Variants in SATB1 observed in about 807,000 individuals in gnomAD.
SATB1 encodes DNA-binding protein SATB1.
A neutral mutation model predicts 86.9 loss-of-function variants in SATB1; 11 were observed. The ratio of observed to expected loss-of-function variants is 0.13; its 90% CI spans 0.08 to 0.21. SATB1 has a LOEUF of 0.21. SATB1 is among the 10% of genes least tolerant of loss of function. The pLI, the probability that SATB1 is intolerant of heterozygous loss-of-function variation, is 1.00. For missense variants in SATB1, 551 were observed against 937.6 expected (o/e 0.59, Z 5.39); for synonymous variants, 357 against 357.2 (o/e 1.00, Z 0.01).
intron 2 of SATB1, chr3:18,434,818 C>T (rs959979082): frequency 2.0e-5 from 3 of 151,698 alleles, no homozygotes; most frequent in South Asian, 4.2e-4. Context: ...TCACATGCTA[C>T]GTTAGATGTT....
chr3:18,373,043 GCCT>G (rs761569208), intron 9 of SATB1, among the ~76,000 whole-genome samples: 12 of 152,130 alleles, frequency 7.9e-5, no homozygotes, highest in Non-Finnish European at 5.9e-5. Context: ...TACTTCTCTT[GCCT>G]CCTCCTCTTC....
intron 9 of SATB1, among the ~76,000 whole-genome samples, chr3:18,360,588 T>A (rs1055470707): frequency 6.6e-6 from 1 of 152,110 alleles, no homozygotes; most frequent in Non-Finnish European, 1.5e-5. Flanking sequence ...AGCACTTCTG[T>A]ATGCCAATAA....
At chr3:18,389,622 A>T (rs1696537713) in intron 7 of SATB1, among the ~76,000 whole-genome samples, 1 of 152,076 alleles carries the variant, frequency 6.6e-6, no homozygotes. Flanking sequence ...TTTACCAAAA[A>T]TTCTTCATGC....
rs144468384 is a variant in SATB1 at position 18,411,516 on chromosome 3, C to G, written c.639+3595G>C. Reference sequence around the variant, plus strand: ...CTAAAACTCCAGGGAAAATAAGCATCAAAATGTTAATGTTTTATTATAAAT... The same window carrying G: ...CTAAAACTCCAGGGAAAATAAGCATGAAAATGTTAATGTTTTATTATAAAT... On this transcript the variant is annotated intron_variant, in intron 5 of 10. Transcript: ENST00000338745. Among the ~76,000 whole-genome samples the G allele has an allele frequency of 2.2e-3, 328 of 152,004 alleles. 2 individuals are homozygous for G. The highest frequency in any genetic ancestry group is 0.01 in the Middle Eastern group (3 of 294).
chr3:18,370,835 C>T (rs1458141122), intron 9 of SATB1, among the ~76,000 whole-genome samples: 3 of 152,228 alleles, frequency 2.0e-5, no homozygotes, highest in African/African-American at 4.8e-5. Context: ...ATATGCCAAG[C>T]GCTGTCACAG....
chr3:18,387,933 C>A (rs1167057755), intron 7 of SATB1, among the ~76,000 whole-genome samples: 1 of 152,072 alleles, frequency 6.6e-6, no homozygotes, highest in African/African-American at 2.4e-5. Context: ...CGAAATGCAA[C>A]AGTTGGGTGC....
intron 5 of SATB1, chr3:18,409,552 C>T (rs1463096600): frequency 4.6e-5 from 7 of 151,974 alleles, no homozygotes; most frequent in Admixed American, 3.9e-4. Flanking sequence ...TTTACCATTT[C>T]CTTTATGGAT....
chr3:18,423,292 T>C (rs1362315870), intron 1 of SATB1, among the ~76,000 whole-genome samples: 1 of 152,232 alleles, frequency 6.6e-6, no homozygotes, highest in East Asian at 1.9e-4. Flanking sequence ...ACTAAGACCA[T>C]ATATGATAAT....
At chr3:18,433,864 T>A in intron 2 of SATB1, among the ~76,000 whole-genome samples, 1 of 152,024 alleles carries the variant, frequency 6.6e-6, no homozygotes, top group Middle Eastern at 3.2e-3. Flanking sequence ...TGAGCCAACA[T>A]GAAGGAAAAA....
intron 8 of SATB1, among the ~76,000 whole-genome samples, chr3:18,379,168 A>G (rs571703585): frequency 7.2e-4 from 109 of 152,358 alleles, no homozygotes; most frequent in Non-Finnish European, 1.2e-3. Context: ...TGATAAGCAG[A>G]TATCGGCAGT....
chr3:18,360,525 A>ATT (rs113322645), intron 9 of SATB1, among the ~76,000 whole-genome samples: 267 of 147,638 alleles, frequency 1.8e-3, no homozygotes, highest in East Asian at 3.0e-3. Context: ...CCTTTCTCCT[A>ATT]TTTTTTTTTT....
upstream of SATB1, among the ~76,000 whole-genome samples, chr3:18,428,534 G>A (rs1455073456): frequency 2.0e-5 from 3 of 152,006 alleles, no homozygotes; most frequent in Non-Finnish European, 4.4e-5. Flanking sequence ...AAACTATCAC[G>A]GCAGGAGGAA....
rs1319963943 is a variant in SATB1 at position 18,444,673 on chromosome 3, G to C, written c.-25+845C>G. The C allele has an allele frequency of 1.0e-6, 1 of 984,718 alleles. No individual in the cohort carries two copies. The highest frequency in any genetic ancestry group is 1.2e-6 in the Non-Finnish European group (1 of 829,622). 61.0% of individuals were successfully genotyped at this position (984,718 alleles called of 1,614,324 possible). On this transcript the variant is annotated intron_variant, in intron 1 of 3. Transcript: ENST00000415069. This position sits in a 1 kb window ranked among gnomAD's most constrained non-coding sequence, Gnocchi z 5.1. ...GGCCTGAAACCAAGAACGGCTCCCCGGGCGGGCGCGCCGGCGTCGGACTTC... is the reference window on the plus strand; with the variant it reads ...GGCCTGAAACCAAGAACGGCTCCCCCGGCGGGCGCGCCGGCGTCGGACTTC...
chr3:18,420,359 C>G (rs1015955516), intron 2 of SATB1, among the ~76,000 whole-genome samples: 21 of 152,162 alleles, frequency 1.4e-4, no homozygotes, highest in Admixed American at 5.2e-4. Context: ...AACTGCCCTA[C>G]AACTAAGAAT....
In SATB1 at chr3:18,347,935, C is replaced by T. The variant is rs1440859451; in HGVS notation, c.*1235G>A. 1 of 152,416 alleles carries T rather than the reference C, an allele frequency of 6.6e-6. No homozygotes were observed. Among genetic ancestry groups the T allele is most frequent in the Non-Finnish European group, 1.5e-5 (1 of 67,994 alleles). 9.4% of individuals were successfully genotyped at this position (152,416 alleles called of 1,614,324 possible). A position where few individuals can be genotyped will look rare whatever the true frequency, so the allele number is the denominator to read the frequency against. On this transcript the variant is annotated 3_prime_UTR_variant, in exon 11 of 11. Transcript: ENST00000338745. The stretch of plus-strand genomic sequence containing the variant: ...CTTCACATAAGCAGACAAACCCTAC[C>T]ATGTCATACGATACAAACAATTTTA...
intron 5 of SATB1, among the ~76,000 whole-genome samples, chr3:18,398,253 C>T (rs12497500): frequency 0.25 from 37,769 of 151,876 alleles, 5,084 homozygotes; most frequent in African/African-American, 0.27. Context: ...ATTTTGGTTA[C>T]GGTAATTTCA....
At chr3:18,351,283 T>C (rs1694345353) in intron 10 of SATB1, 1 of 1,524,274 alleles carries the variant, frequency 6.6e-7, no homozygotes, top group Non-Finnish European at 8.8e-7. Flanking sequence ...TCTGTGTCCC[T>C]TGGTGGCATA....
At chr3:18,415,463 T>C (rs753788687) in intron 4 of SATB1, among the ~76,000 whole-genome samples, 1 of 152,154 alleles carries the variant, frequency 6.6e-6, no homozygotes, top group African/African-American at 2.4e-5. Flanking sequence ...TCATGTTACT[T>C]CTACCTTCCT....
intron 8 of SATB1, among the ~76,000 whole-genome samples, chr3:18,385,457 C>T (rs945353692): frequency 6.6e-6 from 1 of 151,936 alleles, no homozygotes; most frequent in Non-Finnish European, 1.5e-5. Flanking sequence ...CCCGTCTCTA[C>T]TAAAAACACA....
Sources: gnomAD v4.1 joint callset for allele counts (sites outside exome capture counted in the v4.1 genomes callset) on GRCh38, gnomAD v4.1.1 for gene constraint, Gnocchi (gnomAD v3.1) non-coding constraint, MANE v1.5 for transcripts, NCBI Gene and HGNC (gene_info 2026-07-23, HGNC 2026-07-21) for gene names.